RBM19: variants seen among roughly 807,000 people sequenced by gnomAD.
The protein encoded by RBM19 is probable RNA-binding protein 19.
A neutral mutation model predicts 116.8 loss-of-function variants in RBM19; 94 were observed. That is an observed-to-expected ratio of 0.80 (90% CI 0.68 to 0.95). RBM19 has a LOEUF of 0.95. Among genes scored for constraint, RBM19 ranks in the 40% least tolerant of loss-of-function variants. The probability of loss-of-function intolerance (pLI) is 0.00; values close to 1 mark genes in which losing one functional copy is unlikely to be tolerated. For synonymous variants in RBM19, 475 were observed against 494.1 expected, an observed-to-expected ratio of 0.96 and a Z score of 0.51; for missense variants, 1,161 against 1,220.7, an observed-to-expected ratio of 0.95 and a Z score of 0.73.
chr12:113,881,397 G>A (rs1481579256), intron 21 of RBM19, among the ~76,000 whole-genome samples: 5 of 152,182 alleles, frequency 3.3e-5, no homozygotes, highest in Non-Finnish European at 7.3e-5. Flanking sequence ...GGAGGCCCAC[G>A]GCTGGGGAGA....
At chr12:113,834,318 C>G (rs1018391064) in intron 23 of RBM19, among the ~76,000 whole-genome samples, 27 of 152,172 alleles carry the variant, frequency 1.8e-4, no homozygotes, top group African/African-American at 6.5e-4. Flanking sequence ...GAGATCTAAG[C>G]ACAGGACTCC....
rs763448873 is a variant in RBM19, at chr12:113,898,317, G to A, written c.2558+16652C>T. Among the ~76,000 whole-genome samples the A allele has an allele frequency of 8.6e-5, 13 of 152,040 alleles. No homozygotes were observed. The highest frequency in any genetic ancestry group is 1.6e-4 in the Non-Finnish European group (11 of 67,992). ...CATACATGTGTATCATGATAGAACC[G>A]TGAAGAGATTTCAGTGCCTGTACTG... On this transcript the variant is annotated intron_variant, in intron 21 of 23. Transcript: ENST00000261741. The surrounding 1 kb of genome is among the most constrained non-coding windows in gnomAD (Gnocchi z 4.3).
intron 5 of RBM19, among the ~76,000 whole-genome samples, 154 bp from the exon 6 acceptor site, chr12:113,958,204 G>A (rs1240662674): frequency 6.6e-6 from 1 of 152,102 alleles, no homozygotes; most frequent in Non-Finnish European, 1.5e-5. Flanking sequence ...TAAGTCCTCT[G>A]ATTAGCAATA....
At chr12:113,957,397 A>C (rs1347452814) in intron 6 of RBM19, among the ~76,000 whole-genome samples, 2 of 151,970 alleles carry the variant, frequency 1.3e-5, no homozygotes, top group Non-Finnish European at 2.9e-5. Flanking sequence ...CTAACATGAC[A>C]AAACCCCATT....
At chr12:113,942,594 C>CTTTT (rs71443067) in intron 13 of RBM19, among the ~76,000 whole-genome samples, 160 bp from the exon 14 acceptor site, 5 of 125,830 alleles carry the variant, frequency 4.0e-5, no homozygotes, top group African/African-American at 1.2e-4. Flanking sequence ...CGGCTCTGTG[C>CTTTT]TTTTTTTTTT....
intron 18 of RBM19, 100 bp from the exon 19 acceptor site, chr12:113,920,790 C>T: frequency 3.8e-6 from 4 of 1,046,908 alleles, no homozygotes; most frequent in Non-Finnish European, 5.8e-6. Context: ...TGTATTTCCT[C>T]TTCTTTTCAT....
intron 21 of RBM19, among the ~76,000 whole-genome samples, chr12:113,891,442 G>T (rs1294417623): frequency 6.6e-6 from 1 of 152,218 alleles, no homozygotes; most frequent in Non-Finnish European, 1.5e-5. Context: ...GCAGGAGAGG[G>T]CAGAGACTCA....
intron 21 of RBM19, among the ~76,000 whole-genome samples, chr12:113,861,358 C>T (rs1040433802): frequency 2.0e-5 from 3 of 152,136 alleles, no homozygotes; most frequent in Admixed American, 6.5e-5. Context: ...AGACCGAGTC[C>T]CAGTTCCTTC....
intron 16 of RBM19, among the ~76,000 whole-genome samples, chr12:113,931,575 CT>C (rs1284545961): frequency 1.3e-5 from 2 of 152,190 alleles, no homozygotes; most frequent in South Asian, 2.1e-4. Context: ...CCCTCTGCCC[CT>C]CTCCCTGGCT....
rs1302904717 is a variant in RBM19, at chr12:113,960,169, A to C, written c.229T>G (p.Cys77Gly). 1 of 1,613,666 alleles carries C rather than the reference A, an allele frequency of 6.2e-7. No individual in the cohort carries two copies. Among genetic ancestry groups the C allele is most frequent in the Non-Finnish European group, 8.5e-7 (1 of 1,180,036 alleles). Residue 77 changes from cysteine (C) to glycine (G), a missense_variant, in exon 3 of 24, where the codon TGC (cysteine) becomes GGC (glycine). Physicochemically the swap from Cys to Gly is radical, Grantham distance 159. Transcript: ENST00000261741. Reference protein sequence around the residue: ...IDTSRITVEFCKSFGDPAKPR... With the variant: ...IDTSRITVEFGKSFGDPAKPR... ...TTGGCCGGGTCCCCGAATGACTTGC[A>C]GAACTCCACCTGTGTGGGAAAGAGA...
chr12:113,894,732 A>C (rs1392455460), intron 21 of RBM19, among the ~76,000 whole-genome samples: 1 of 152,236 alleles, frequency 6.6e-6, no homozygotes, highest in Non-Finnish European at 1.5e-5. Context: ...ATAAGCTACA[A>C]ATCTACTTCT....
At chr12:113,856,941 G>A (rs575098522) in intron 22 of RBM19, among the ~76,000 whole-genome samples, 62 of 152,304 alleles carry the variant, frequency 4.1e-4, no homozygotes, top group African/African-American at 1.4e-3. Flanking sequence ...AAGGTCACAC[G>A]GGAGATTTGT....
chr12:113,937,557 C>G (rs1870180185), intron 15 of RBM19, among the ~76,000 whole-genome samples: 1 of 140,320 alleles, frequency 7.1e-6, no homozygotes, highest in African/African-American at 2.5e-5. Flanking sequence ...GTGCATATAT[C>G]CACGGGCAAC....
intron 21 of RBM19, among the ~76,000 whole-genome samples, chr12:113,881,844 T>C (rs1880156108): frequency 6.6e-6 from 1 of 152,238 alleles, no homozygotes; most frequent in African/African-American, 2.4e-5. Context: ...TGGAAAGAAC[T>C]GAGGCCTGGT....
chr12:113,958,052 T>C lies in RBM19; in HGVS notation c.572-2A>G, dbSNP rs368981792. The C allele has an allele frequency of 1.9e-6, 3 of 1,604,102 alleles. No individual in the cohort carries two copies. The highest frequency in any genetic ancestry group is 2.7e-5 in the African/African-American group (2 of 74,316). ...CCTTTGGTTCGAGGCTTGCCTCTTC[T>C]GGAAAAACAGGGAAGCTGGGATCAG... On this transcript the variant is annotated splice_acceptor_variant, in intron 5 of 23. Coordinates refer to ENST00000261741, the MANE Select transcript of RBM19 (RefSeq NM_016196.4). LOFTEE classifies it high-confidence loss of function.
intron 23 of RBM19, among the ~76,000 whole-genome samples, chr12:113,832,341 C>T (rs1403929633): frequency 1.3e-5 from 2 of 152,104 alleles, no homozygotes. Flanking sequence ...GGGCGCACGC[C>T]ACCACACCTG....
At chr12:113,831,049 G>A (rs766428844) in intron 23 of RBM19, among the ~76,000 whole-genome samples, 3 of 152,198 alleles carry the variant, frequency 2.0e-5, no homozygotes, top group Admixed American at 6.5e-5. Context: ...TCGTATAAAC[G>A]TGCAGCCATT....
intron 23 of RBM19, among the ~76,000 whole-genome samples, chr12:113,841,119 C>A (rs1326137601): frequency 1.3e-5 from 2 of 152,132 alleles, no homozygotes; most frequent in Non-Finnish European, 1.5e-5. Flanking sequence ...AAACACATGG[C>A]TCTGACACTC....
intron 21 of RBM19, among the ~76,000 whole-genome samples, chr12:113,908,828 T>G (rs1882244324): frequency 6.6e-6 from 1 of 152,130 alleles, no homozygotes; most frequent in South Asian, 2.1e-4. Flanking sequence ...CTACCAGGAT[T>G]GTATTGAGAC....
Sources: allele counts gnomAD v4.1 joint callset (sites outside exome capture counted in the v4.1 genomes callset), GRCh38; gene constraint gnomAD v4.1.1; non-coding constraint Gnocchi (gnomAD v3.1); transcripts MANE v1.5; gene names NCBI Gene and HGNC (gene_info 2026-07-23, HGNC 2026-07-21).